CDK19: variants seen among roughly 807,000 people sequenced by gnomAD.
CDK19 encodes cyclin dependent kinase 19.
A neutral mutation model predicts 68.3 loss-of-function variants in CDK19; 20 were observed. That is an observed-to-expected ratio of 0.29 (90% CI 0.21 to 0.43). CDK19 has a LOEUF of 0.43. Among genes scored for constraint, CDK19 ranks in the 20% least tolerant of loss-of-function variants. The probability of loss-of-function intolerance (pLI) is 1.00; values close to 1 mark genes in which losing one functional copy is unlikely to be tolerated. For synonymous variants in CDK19, 221 were observed against 222.8 expected (o/e 0.99, Z 0.07); for missense variants, 339 against 623.5 (o/e 0.54, Z 4.86).
intron 6 of CDK19, among the ~76,000 whole-genome samples, chr6:110,630,727 G>A (rs1244211325): frequency 6.6e-6 from 1 of 152,206 alleles, no homozygotes; most frequent in Admixed American, 6.5e-5. Flanking sequence ...ACAGGTAAGG[G>A]TTTTATGTCA....
intron 1 of CDK19, among the ~76,000 whole-genome samples, chr6:110,791,142 G>C (rs1232344773): frequency 6.6e-6 from 1 of 151,234 alleles, no homozygotes; most frequent in Non-Finnish European, 1.5e-5. Flanking sequence ...CTGCACTCCA[G>C]CCTGGACGAC....
At chr6:110,646,918 G>A (rs1780631592) in intron 4 of CDK19, among the ~76,000 whole-genome samples, 1 of 152,026 alleles carries the variant, frequency 6.6e-6, no homozygotes, top group Non-Finnish European at 1.5e-5. Flanking sequence ...CCGCGTGACC[G>A]CCCGCCTCCA....
chr6:110,713,478 C>CAGA (rs546795355), intron 2 of CDK19, among the ~76,000 whole-genome samples: 1 of 129,592 alleles, frequency 7.7e-6, no homozygotes, highest in Non-Finnish European at 1.6e-5. Context: ...CCTCTTGTCT[C>CAGA]AAAAAAAAAA....
chr6:110,734,870 A>G (rs1777119921), intron 2 of CDK19, among the ~76,000 whole-genome samples: 1 of 152,200 alleles, frequency 6.6e-6, no homozygotes, highest in African/African-American at 2.4e-5. Context: ...TGCCTAGATT[A>G]TAATAGATAC....
intron 1 of CDK19, among the ~76,000 whole-genome samples, chr6:110,808,749 A>G (rs1046917567): frequency 6.6e-6 from 1 of 152,214 alleles, no homozygotes; most frequent in African/African-American, 2.4e-5. Flanking sequence ...AATTTGTCCT[A>G]AAATGTATTT....
chr6:110,728,584 A>C (rs1776520038), intron 2 of CDK19, among the ~76,000 whole-genome samples: 1 of 151,884 alleles, frequency 6.6e-6, no homozygotes, highest in Admixed American at 6.6e-5. Context: ...AAAAAAAAAA[A>C]ACTAATTTGA....
intron 2 of CDK19, among the ~76,000 whole-genome samples, chr6:110,737,472 G>A (rs144588260): frequency 3.9e-5 from 6 of 152,100 alleles, no homozygotes; most frequent in South Asian, 2.1e-4. Context: ...AGTCCAATAG[G>A]TGTATACATA....
intron 2 of CDK19, among the ~76,000 whole-genome samples, chr6:110,731,803 T>C (rs1298931325): frequency 1.8e-4 from 27 of 152,204 alleles, no homozygotes. Flanking sequence ...TTGCATAGAC[T>C]ATCCAATGTT....
Position 110,622,839 on chromosome 6 carries a change from T to C in CDK19, c.1007A>G (p.Gln336Arg), listed in dbSNP as rs1237424581. ...CTCTAATGTTGGCAAAGGGTCCTCC[T>C]GAAAATAGGGATCCTGCAGAGCTTG... The part of the protein sequence containing the change: ...SEQALQDPYF[Q>R]EDPLPTLDVF... The change falls in exon 10 of 13, where the codon CAG becomes CGG. Residue 336 changes from glutamine to arginine, a missense_variant. By Grantham distance (43) the Gln-to-Arg change is conservative. Transcript: ENST00000368911. The C allele has an allele frequency of 1.2e-6, 2 of 1,612,394 alleles. No individual in the cohort carries two copies. Among genetic ancestry groups the C allele is most frequent in the Middle Eastern group, 1.7e-4 (1 of 6,058 alleles).
chr6:110,769,564 C>CA (rs199964074), intron 1 of CDK19, among the ~76,000 whole-genome samples: 365 of 117,934 alleles, frequency 3.1e-3, no homozygotes, highest in Middle Eastern at 0.015. Flanking sequence ...GATTCCATCT[C>CA]AAAAAAAAAA....
chr6:110,792,942 A>C (rs1200714076), intron 1 of CDK19, among the ~76,000 whole-genome samples: 14 of 152,230 alleles, frequency 9.2e-5, no homozygotes, highest in African/African-American at 3.4e-4. Context: ...ACAATCAGTG[A>C]GGAGTATTTT....
chr6:110,675,913 A>G (rs1274657728), intron 2 of CDK19, among the ~76,000 whole-genome samples: 2 of 152,252 alleles, frequency 1.3e-5, no homozygotes, highest in Non-Finnish European at 2.9e-5. Flanking sequence ...CCGTGAATCA[A>G]GAAGTCATTT....
intron 4 of CDK19, among the ~76,000 whole-genome samples, chr6:110,641,510 G>A (rs959573196): frequency 1.3e-5 from 2 of 150,632 alleles, no homozygotes; most frequent in East Asian, 3.9e-4. Flanking sequence ...GGCAGGAATC[G>A]CTTGAACCCA....
intron 8 of CDK19, 85 bp downstream of exon 8, chr6:110,626,691 A>C (rs1394885755): frequency 4.8e-6 from 4 of 829,922 alleles, no homozygotes; most frequent in Non-Finnish European, 5.6e-6. Flanking sequence ...GGGAGAAAAC[A>C]AATTCCTGTT....
At chr6:110,624,931 G>A (rs1401180470) in intron 8 of CDK19, among the ~76,000 whole-genome samples, 1 of 152,134 alleles carries the variant, frequency 6.6e-6, no homozygotes, top group East Asian at 1.9e-4. Flanking sequence ...TCTGAAAAGT[G>A]GAAATTATAA....
At chr6:110,736,499 G>A (rs1191273217) in intron 2 of CDK19, among the ~76,000 whole-genome samples, 3 of 152,126 alleles carry the variant, frequency 2.0e-5, no homozygotes, top group South Asian at 2.1e-4. Context: ...CCCACATTAC[G>A]ATCTGAAGCC....
chr6:110,801,587 C>A (rs1423093411), intron 1 of CDK19, among the ~76,000 whole-genome samples: 1 of 152,126 alleles, frequency 6.6e-6, no homozygotes, highest in East Asian at 1.9e-4. Flanking sequence ...TCTCGGCTTA[C>A]TGCAAGCTCC....
chr6:110,630,642 C>T (rs1009170433), intron 6 of CDK19, among the ~76,000 whole-genome samples: 7 of 152,248 alleles, frequency 4.6e-5, no homozygotes, highest in South Asian at 4.1e-4. Flanking sequence ...CTTTTGCAGA[C>T]GGCTGCCACT....
intron 4 of CDK19, chr6:110,646,614 G>A (rs141380055): frequency 3.1e-4 from 187 of 602,596 alleles, no homozygotes; most frequent in African/African-American, 1.6e-3. Context: ...CGGGGAGGGG[G>A]GATTCGGAAA....
Sources: allele counts gnomAD v4.1 joint callset (sites outside exome capture counted in the v4.1 genomes callset), GRCh38; gene constraint gnomAD v4.1.1; transcripts MANE v1.5; gene names NCBI Gene and HGNC (gene_info 2026-07-23, HGNC 2026-07-21).